Variants in HSPG2 observed in about 807,000 individuals in gnomAD.
HSPG2 encodes the protein basement membrane-specific heparan sulfate proteoglycan core protein.
In HSPG2, 278 loss-of-function variants were observed where a neutral mutation model predicts 526.6. The ratio of observed to expected loss-of-function variants is 0.53; its 90% CI spans 0.48 to 0.58. The LOEUF (loss-of-function observed/expected upper bound fraction) is 0.58. Ranked by LOEUF, HSPG2 falls within the 20% of genes least tolerant of loss-of-function variation. The pLI is 0.00. For missense variants in HSPG2, 5,354 were observed against 6,099.5 expected (o/e 0.88, Z 4.07); for synonymous variants, 2,465 against 2,555.4 (o/e 0.96, Z 1.07).
At chr1:21,882,243 G>C (rs1641572493) in intron 13 of HSPG2, among the ~76,000 whole-genome samples, 1 of 152,196 alleles carries the variant, frequency 6.6e-6, no homozygotes, top group African/African-American at 2.4e-5. Context: ...TGTGTTGTAA[G>C]CCTGGGCAAG....
chr1:21,824,069 C>T lies in HSPG2; in HGVS notation c.12899+52G>A, dbSNP rs1040206506. The stretch of plus-strand genomic sequence containing the variant: ...TCTGCCCATGGTAGGGGGCGTCCTG[C>T]CCCACTCCAGAACGCTGGGCCCCAT... On this transcript the variant is annotated intron_variant, in intron 95 of 96. Transcript: ENST00000374695. The surrounding 1 kb of genome is among the most constrained non-coding windows in gnomAD (Gnocchi z 5.9). The T allele has an allele frequency of 2.6e-6, 4 of 1,511,348 alleles. No homozygotes were observed. In the African/African-American group the frequency reaches 4.1e-5, roughly 15 times the overall value. The allele number at this position is 1,511,348 out of a possible 1,614,324, so 93.6% of individuals were successfully genotyped here. A position where few individuals can be genotyped will look rare whatever the true frequency, so the allele number is the denominator to read the frequency against.
chr1:21,935,426 C>A (rs7529613), intron 1 of HSPG2, among the ~76,000 whole-genome samples: 142,071 of 152,006 alleles, frequency 0.93, 66,900 homozygotes, highest in South Asian at 0.99. Flanking sequence ...GCTGGTCCAA[C>A]CCACCCCAGC....
rs1278530951 is a variant in HSPG2, at chr1:21,874,668, C to T, written c.3476G>A (p.Cys1159Tyr). ...GGCCTCTGAGTGGCCATGGCAGCTGCAGCGTTCACAGGTACCCAGGTAGAG... is the reference window on the plus strand; with the variant it reads ...GGCCTCTGAGTGGCCATGGCAGCTGTAGCGTTCACAGGTACCCAGGTAGAG... Reference protein sequence around the residue: ...SGLYLGTCERCSCHGHSEACE... With the variant: ...SGLYLGTCERYSCHGHSEACE... Residue 1159 changes from cysteine (C) to tyrosine (Y), a missense_variant, in exon 27 of 97, where the codon TGC becomes TAC. By Grantham distance (194) the Cys-to-Tyr change is radical. Coordinates refer to ENST00000374695, the MANE Select transcript of HSPG2 (RefSeq NM_005529.7). 2.5e-5 allele frequency: 41 copies of T among 1,612,460 alleles called. No homozygotes were observed. The East Asian group carries it at 8.9e-4, about 35-fold the overall frequency.
rs141963344 is a variant in HSPG2, at chr1:21,838,865, C to T, written c.10110G>A (p.Lys3370=). 3,646 of 1,612,726 alleles carry T rather than the reference C, an allele frequency of 2.3e-3. 9 individuals are homozygous for T. The highest frequency in any genetic ancestry group is 2.3e-3 in the Non-Finnish European group (2,758 of 1,179,722). Reference sequence around the variant, plus strand: ...GGGCAAAGGCCTCGGCTGAGCCCACCTTGTTGGTGACCCGGCAGCGGTAGC... The same window carrying T: ...GGGCAAAGGCCTCGGCTGAGCCCACTTTGTTGGTGACCCGGCAGCGGTAGC... ...SGRYRCRVTN[K]VGSAEAFAQL... is the part of the protein sequence containing the mutation. Residue 3370 remains lysine, a synonymous_variant, in exon 74 of 97, where the codon AAG becomes AAA. Transcript: ENST00000374695.
At chr1:21,882,442 C>G (rs796898683) in intron 13 of HSPG2, among the ~76,000 whole-genome samples, 66 of 146,988 alleles carry the variant, frequency 4.5e-4, no homozygotes, top group African/African-American at 1.4e-3. Context: ...CACACACACA[C>G]AGTCACCCTA....
At chr1:21,934,871 T>G (rs545887785) in intron 1 of HSPG2, among the ~76,000 whole-genome samples, 87 of 149,814 alleles carry the variant, frequency 5.8e-4, no homozygotes, top group African/African-American at 2.0e-3. Flanking sequence ...CTGGGATTAC[T>G]GGCGTGTGCC....
At position 21,824,921 on chromosome 1, in the gene HSPG2, G is replaced by A; in HGVS notation, c.12590-142C>T. On this transcript the variant is annotated intron_variant, in intron 91 of 96. Transcript: ENST00000374695. The surrounding 1 kb of genome is among the most constrained non-coding windows in gnomAD (Gnocchi z 5.9). ...CAGTCCCTGGGGACCCACGGGGGCT[G>A]CCAACAGAATTCAGGGAGCCTATGA... 1.3e-6 allele frequency: 1 copy of A among 754,434 alleles called. No individual in the cohort carries two copies. The highest frequency in any genetic ancestry group is 2.3e-6 in the Non-Finnish European group (1 of 426,262). The allele number at this position is 754,434 out of a possible 1,614,324, so 46.7% of individuals were successfully genotyped here. A position where few individuals can be genotyped will look rare whatever the true frequency, so the allele number is the denominator to read the frequency against.
In HSPG2 at chr1:21,890,584, C is replaced by T. The variant is rs747333612; in HGVS notation, c.354+1G>A. On this transcript the variant is annotated splice_donor_variant, in intron 4 of 96. Coordinates refer to ENST00000374695, the MANE Select transcript of HSPG2 (RefSeq NM_005529.7). LOFTEE classifies it high-confidence loss of function. The surrounding 1 kb of genome is among the most constrained non-coding windows in gnomAD (Gnocchi z 4.1). ...AGCTTCCCAAACCCCCTTCACCTCA[C>T]CGTGTCTACCACAGCCTCGGACACC... The T allele has an allele frequency of 1.2e-6, 2 of 1,612,152 alleles. No homozygotes were observed. Among genetic ancestry groups the T allele is most frequent in the Non-Finnish European group, 1.7e-6 (2 of 1,178,150 alleles).
Position 21,842,787 on chromosome 1 carries a change from G to A in HSPG2, c.8893C>T (p.Leu2965Phe). Residue 2965 changes from leucine to phenylalanine, a missense_variant, in exon 67 of 97, where the codon CTC (leucine) becomes TTC (phenylalanine). Transcript: ENST00000374695. ...CCCTGTACCTGGTGCCGGGCGGGGA[G>A]GCTGCCCCCGCGCTTGTACCACGTG... is the stretch of plus-strand genomic sequence containing the variant. ...QVTWYKRGGS[L>F]PARHQTHGSQ... The A allele has an allele frequency of 6.2e-7, 1 of 1,613,410 alleles. No individual in the cohort carries two copies. The highest frequency in any genetic ancestry group is 2.2e-5 in the East Asian group (1 of 44,886).
chr1:21,920,162 C>T (rs1356230467), intron 1 of HSPG2, among the ~76,000 whole-genome samples: 2 of 152,208 alleles, frequency 1.3e-5, no homozygotes, highest in African/African-American at 4.8e-5. Context: ...CAGCCTTGGC[C>T]TCCCAAAGTG....
At chr1:21,925,637 G>A (rs965349555) in intron 1 of HSPG2, among the ~76,000 whole-genome samples, 2 of 152,204 alleles carry the variant, frequency 1.3e-5, no homozygotes, top group African/African-American at 2.4e-5. Context: ...CCGAGTCTGT[G>A]AAGCAGGAAC....
At chr1:21,836,384 C>T (rs1215380196) in intron 75 of HSPG2, among the ~76,000 whole-genome samples, 12 of 152,158 alleles carry the variant, frequency 7.9e-5, no homozygotes, top group Non-Finnish European at 2.9e-5. Flanking sequence ...TGCAATGGTG[C>T]GATCTTGGCT....
Position 21,898,258 on chromosome 1 carries a change from T to C in HSPG2, c.64-1948A>G, listed in dbSNP as rs1642887104. Among the ~76,000 whole-genome samples the C allele has an allele frequency of 6.6e-6, 1 of 152,134 alleles. No individual in the cohort carries two copies. The highest frequency in any genetic ancestry group is 1.5e-5 in the Non-Finnish European group (1 of 68,020). The stretch of plus-strand genomic sequence containing the variant: ...CATTTGTTCATCTTTGTGTTTGCGG[T>C]GCTCTCAGACCTTGGGGAAGGTCTG... On this transcript the variant is annotated intron_variant, in intron 1 of 96. Transcript: ENST00000374695. The surrounding 1 kb of genome is among the most constrained non-coding windows in gnomAD (Gnocchi z 4.0).
intron 81 of HSPG2, 68 bp from the exon 82 acceptor site, chr1:21,831,864 A>G: frequency 6.7e-7 from 1 of 1,499,086 alleles, no homozygotes; most frequent in Non-Finnish European, 9.0e-7. Flanking sequence ...CTAGGGGCCC[A>G]GTTGGGTAGA....
chr1:21,924,089 G>A (rs1309120451), intron 1 of HSPG2, among the ~76,000 whole-genome samples: 1 of 152,190 alleles, frequency 6.6e-6, no homozygotes, highest in South Asian at 2.1e-4. Context: ...GACAGGACAG[G>A]CTTCAAGGTC....
chr1:21,896,056 C>T, intron 2 of HSPG2, 90 bp from the exon 3 acceptor site: 3 of 1,591,002 alleles, frequency 1.9e-6, no homozygotes, highest in Non-Finnish European at 2.6e-6. Flanking sequence ...ACCTAGTATA[C>T]AGTGGGACAG....
chr1:21,869,642 T>A, intron 33 of HSPG2: 1 of 985,992 alleles, frequency 1.0e-6, no homozygotes, highest in South Asian at 4.7e-5. Context: ...TCAGCATCCA[T>A]CCGTCTCTGA....
At chr1:21,922,072 G>A (rs1034599414) in intron 1 of HSPG2, among the ~76,000 whole-genome samples, 5 of 152,156 alleles carry the variant, frequency 3.3e-5, no homozygotes, top group African/African-American at 9.7e-5. Context: ...CAAGTACCAG[G>A]GGCTCTCTCG....
In HSPG2 at chr1:21,880,848, G is replaced by A. The variant is rs556061601; in HGVS notation, c.1819-13C>T. 1.4e-5 allele frequency: 22 copies of A among 1,584,236 alleles called. No homozygotes were observed. The African/African-American group carries it at 1.9e-4, about 14-fold the overall frequency. On this transcript the variant is annotated splice_polypyrimidine_tract_variant and intron_variant, in intron 14 of 96. Transcript: ENST00000374695. ...CATAGGAGTCCACCTGGCACAACAG[G>A]GTGGATCAGCACGGGCAGCTGTGGG...
Sources: gnomAD v4.1 joint callset for allele counts (sites outside exome capture counted in the v4.1 genomes callset) on GRCh38, gnomAD v4.1.1 for gene constraint, Gnocchi (gnomAD v3.1) non-coding constraint, MANE v1.5 for transcripts, NCBI Gene and HGNC (gene_info 2026-07-23, HGNC 2026-07-21) for gene names.